The following CDC23 variants were observed in gnomAD, a reference collection of about 807,000 sequenced individuals.
The protein encoded by CDC23 is cell division cycle protein 23 homolog.
In CDC23, 26 loss-of-function variants were observed where a neutral mutation model predicts 81.7. That is an observed-to-expected ratio of 0.32 (90% CI 0.23 to 0.44). The LOEUF (loss-of-function observed/expected upper bound fraction) is 0.44, where lower values mean the gene tolerates loss of function less well. Among genes scored for constraint, CDC23 ranks in the 20% least tolerant of loss-of-function variants. CDC23 has a pLI of 1.00. For missense variants in CDC23, 519 were observed against 728.0 expected (o/e 0.71, Z 3.30); for synonymous variants, 267 against 270.8 (o/e 0.99, Z 0.14).
chr5:138,213,131 C>T (rs940116345), intron 1 of CDC23, 21 bp downstream of exon 1: 1 of 1,614,166 alleles, frequency 6.2e-7, no homozygotes, highest in African/African-American at 1.3e-5. Context: ...AGCCCCGTCC[C>T]TTCCCACTCC....
At position 138,188,306 on chromosome 5, in the gene CDC23, G is replaced by A. The variant is rs1754779163; in HGVS notation, c.*672C>T. 1 of 152,020 alleles carries A rather than the reference G, an allele frequency of 6.6e-6. No homozygotes were observed. 9.4% of individuals were successfully genotyped at this position (152,020 alleles called of 1,614,324 possible). ...ATAGCCATCTTTTGCCCTCAGTAAG[G>A]GCTATCAGCAGTTCCAAGCTCTGTG... On this transcript the variant is annotated 3_prime_UTR_variant, in exon 16 of 16. Transcript: ENST00000394886.
chr5:138,200,323 G>A (rs978839088), intron 6 of CDC23, among the ~76,000 whole-genome samples: 1 of 151,998 alleles, frequency 6.6e-6, no homozygotes, highest in Non-Finnish European at 1.5e-5. Flanking sequence ...GTAGAGACAT[G>A]GTTTCACCAC....
At position 138,204,578 on chromosome 5, in the gene CDC23, T is replaced by C. The variant is rs567883923; in HGVS notation, c.372+1969A>G. ...CTCGCAACTTGTCAATTTGGAATCA[T>C]TTTCAAATAAAAGGTTAAAAAGCAA... is the stretch of plus-strand genomic sequence containing the variant. On this transcript the variant is annotated intron_variant, in intron 3 of 15. Transcript: ENST00000394886. Among the ~76,000 whole-genome samples, 113 of 151,832 alleles carry C rather than the reference T, an allele frequency of 7.4e-4. 2 individuals are homozygous for C. The highest frequency in any genetic ancestry group is 6.4e-3 in the South Asian group (31 of 4,820).
At chr5:138,199,530 C>T (rs1359183087) in intron 6 of CDC23, among the ~76,000 whole-genome samples, 2 of 152,072 alleles carry the variant, frequency 1.3e-5, no homozygotes, top group African/African-American at 2.4e-5. Context: ...GTACCCATTA[C>T]TTATAAGTAA....
At chr5:138,201,531 G>A (rs1400137794) in intron 4 of CDC23, 83 bp from the exon 5 acceptor site, 2 of 999,976 alleles carry the variant, frequency 2.0e-6, no homozygotes, top group African/African-American at 3.3e-5. Context: ...TATTTTTCTA[G>A]AGACAGGGTC....
rs753338943 is a variant in CDC23, at chr5:138,202,126, T to G, written c.402A>C (p.Thr134=). The change falls in exon 4 of 16, where the codon ACA becomes ACC. Residue 134 remains threonine, a synonymous_variant. Coordinates refer to ENST00000394886, the MANE Select transcript of CDC23 (RefSeq NM_004661.4). ...AAAAATTCGTACCTAAGCTATCAAC[T>G]GTTTCATCGTCCTTCTTTTTTTCTC... ...LSGEKKKDDE[T]VDSLGPLEKG... The G allele has an allele frequency of 6.2e-7, 1 of 1,611,462 alleles. No individual in the cohort carries two copies. The highest frequency in any genetic ancestry group is 8.5e-7 in the Non-Finnish European group (1 of 1,178,862).
intron 9 of CDC23, among the ~76,000 whole-genome samples, chr5:138,195,772 G>A (rs1314005912): frequency 1.2e-3 from 125 of 101,648 alleles, no homozygotes; most frequent in African/African-American, 4.0e-3. Flanking sequence ...TATTATATAT[G>A]TGTATATATA....
At chr5:138,192,009 C>A in intron 11 of CDC23, 72 bp from the exon 12 acceptor site, 1 of 1,275,930 alleles carries the variant, frequency 7.8e-7, no homozygotes, top group Admixed American at 1.8e-5. Flanking sequence ...GGAACCAGTA[C>A]ACCACTATTT....
At chr5:138,197,727 C>A (rs1003323218) in intron 9 of CDC23, among the ~76,000 whole-genome samples, 1 of 151,690 alleles carries the variant, frequency 6.6e-6, no homozygotes, top group South Asian at 2.1e-4. Flanking sequence ...GAATACCTCA[C>A]CTCATGATCT....
chr5:138,201,942 C>T (rs772880897), intron 4 of CDC23, among the ~76,000 whole-genome samples, 171 bp downstream of exon 4: 2 of 152,154 alleles, frequency 1.3e-5, no homozygotes, highest in Admixed American at 6.5e-5. Context: ...CCAGATTCCC[C>T]CAAGACAGCC....
chr5:138,208,641 G>GTT (rs1755079295), intron 2 of CDC23, among the ~76,000 whole-genome samples: 1 of 152,044 alleles, frequency 6.6e-6, no homozygotes, highest in Non-Finnish European at 1.5e-5. Context: ...AAATATATTC[G>GTT]TAACAGTCGA....
chr5:138,203,229 C>G (rs984728743), intron 3 of CDC23, among the ~76,000 whole-genome samples: 1 of 152,200 alleles, frequency 6.6e-6, no homozygotes, highest in Non-Finnish European at 1.5e-5. Flanking sequence ...ATGTACAACA[C>G]AGGGTGAACC....
At chr5:138,210,979 A>T (rs1038808186) in intron 2 of CDC23, among the ~76,000 whole-genome samples, 8 of 152,198 alleles carry the variant, frequency 5.3e-5, no homozygotes, top group Non-Finnish European at 1.0e-4. Flanking sequence ...AAGAACTAAA[A>T]ACAGAATTAC....
At chr5:138,206,817 G>A (rs1222878184) in intron 2 of CDC23, 133 bp from the exon 3 acceptor site, 5 of 550,550 alleles carry the variant, frequency 9.1e-6, no homozygotes, top group Non-Finnish European at 9.1e-6. Context: ...CCTAGAATAT[G>A]TAGATGCATA....
At chr5:138,205,184 G>C (rs1755034577) in intron 3 of CDC23, among the ~76,000 whole-genome samples, 1 of 152,098 alleles carries the variant, frequency 6.6e-6, no homozygotes, top group Non-Finnish European at 1.5e-5. Flanking sequence ...CCAAACTTCA[G>C]CAAATGCTGG....
At chr5:138,213,099 G>GC (rs1043913842) in intron 1 of CDC23, 36 bp from the exon 2 acceptor site, 8 of 1,613,898 alleles carry the variant, frequency 5.0e-6, no homozygotes, top group Admixed American at 1.7e-5. Context: ...AGCTCGACAA[G>GC]CCCCCCAAGG....
At chr5:138,199,200 T>A (rs1175041539) in intron 6 of CDC23, among the ~76,000 whole-genome samples, 1 of 152,146 alleles carries the variant, frequency 6.6e-6, no homozygotes, top group Non-Finnish European at 1.5e-5. Context: ...CAAACTGAAC[T>A]GGTAGAGCGC....
At chr5:138,191,706 T>C (rs768900826) in intron 12 of CDC23, among the ~76,000 whole-genome samples, 156 bp downstream of exon 12, 1 of 152,226 alleles carries the variant, frequency 6.6e-6, no homozygotes, top group Non-Finnish European at 1.5e-5. Context: ...ACTGATGACC[T>C]TGGCCCAGCT....
intron 2 of CDC23, 48 bp downstream of exon 2, chr5:138,212,943 G>A (rs1561639115): frequency 6.5e-7 from 1 of 1,532,526 alleles, no homozygotes; most frequent in Non-Finnish European, 9.0e-7. Flanking sequence ...GGCTCTTGAG[G>A]CACACCCCTG....
Sources: allele counts gnomAD v4.1 joint callset (sites outside exome capture counted in the v4.1 genomes callset), GRCh38; gene constraint gnomAD v4.1.1; transcripts MANE v1.5; gene names NCBI Gene and HGNC (gene_info 2026-07-23, HGNC 2026-07-21).